ATP6V0E1: variants seen among roughly 807,000 people sequenced by gnomAD.
The protein encoded by ATP6V0E1 is ATPase H+ transporting V0 subunit e1.
Under a neutral mutation model 11.6 loss-of-function variants are expected in ATP6V0E1, and 4 were observed. That is an observed-to-expected ratio of 0.35 (90% CI 0.17 to 0.79). The LOEUF (loss-of-function observed/expected upper bound fraction) is 0.79. ATP6V0E1 is among the 30% of genes least tolerant of loss of function. The probability of loss-of-function intolerance (pLI) is 0.54; values close to 1 mark genes in which losing one functional copy is unlikely to be tolerated. For missense variants in ATP6V0E1, 105 were observed against 100.0 expected, an observed-to-expected ratio of 1.05 and a Z score of -0.21; for synonymous variants, 36 against 34.8, an observed-to-expected ratio of 1.04 and a Z score of -0.13.
intron 2 of ATP6V0E1, among the ~76,000 whole-genome samples, chr5:173,016,238 A>G (rs920698620): frequency 6.6e-6 from 1 of 152,186 alleles, no homozygotes; most frequent in African/African-American, 2.4e-5. Context: ...TCTGATGCTG[A>G]TGCTACCTCC....
chr5:172,993,467 C>T (rs1030368618), intron 1 of ATP6V0E1, among the ~76,000 whole-genome samples: 5 of 152,214 alleles, frequency 3.3e-5, no homozygotes, highest in Admixed American at 3.3e-4. Flanking sequence ...GATTGTGCCA[C>T]TGCACTCCAG....
At chr5:173,001,243 TTTAATA>T (rs1756148054) in intron 2 of ATP6V0E1, among the ~76,000 whole-genome samples, 1 of 152,126 alleles carries the variant, frequency 6.6e-6, no homozygotes, top group Admixed American at 6.6e-5. Context: ...CCCTGTCCTC[TTTAATA>T]AGGAGAAGCA....
At position 172,994,821 on chromosome 5, in the gene ATP6V0E1, T is replaced by C. The variant is rs1454849251; in HGVS notation, c.151T>C (p.Phe51Leu). 5 of 1,599,554 alleles carry C rather than the reference T, an allele frequency of 3.1e-6. No homozygotes were observed. The highest frequency in any genetic ancestry group is 4.3e-6 in the Non-Finnish European group (5 of 1,173,476). Residue 51 changes from phenylalanine (F) to leucine (L), a missense_variant and splice_region_variant, in exon 2 of 4, where the codon TTT (phenylalanine) becomes CTT (leucine). By Grantham distance (22) the Phe-to-Leu change is conservative. Coordinates refer to ENST00000519374, the MANE Select transcript of ATP6V0E1 (RefSeq NM_003945.4). ...LVTCSVCCYL[F>L]WLIAILAQLN... Reference sequence around the variant, plus strand: ...GACCTGTTCAGTTTGCTGCTATCTCTTGTAAGTAATTTTTTCTTAAGTAAT... The same window carrying C: ...GACCTGTTCAGTTTGCTGCTATCTCCTGTAAGTAATTTTTTCTTAAGTAAT...
intron 2 of ATP6V0E1, among the ~76,000 whole-genome samples, chr5:172,997,852 C>T (rs1269575377): frequency 1.3e-5 from 2 of 151,878 alleles, no homozygotes; most frequent in Non-Finnish European, 2.9e-5. Context: ...CATGGTGGCT[C>T]ACGCCTGTAA....
At chr5:173,033,678 AC>A (rs1434469839) in intron 3 of ATP6V0E1, among the ~76,000 whole-genome samples, 1 of 151,540 alleles carries the variant, frequency 6.6e-6, no homozygotes, top group African/African-American at 2.4e-5. Context: ...CCCTGTCTCT[AC>A]AAAAAAATAT....
At chr5:173,005,965 ACTCT>A (rs1165212903) in intron 2 of ATP6V0E1, among the ~76,000 whole-genome samples, 1 of 152,162 alleles carries the variant, frequency 6.6e-6, no homozygotes, top group Non-Finnish European at 1.5e-5. Context: ...CAGAAGATAT[ACTCT>A]CTAAGATTTC....
At chr5:173,026,024 G>T (rs1756554622) in intron 3 of ATP6V0E1, among the ~76,000 whole-genome samples, 1 of 151,564 alleles carries the variant, frequency 6.6e-6, no homozygotes. Context: ...TTCGAGACAG[G>T]GTCTCACTGT....
At chr5:173,022,040 A>G (rs1463104675) in intron 3 of ATP6V0E1, among the ~76,000 whole-genome samples, 3 of 152,230 alleles carry the variant, frequency 2.0e-5, no homozygotes, top group Non-Finnish European at 4.4e-5. Flanking sequence ...GTCTCAGAAA[A>G]AGGAAAATCA....
chr5:173,010,928 G>A (rs1447176969), intron 2 of ATP6V0E1, among the ~76,000 whole-genome samples: 1 of 152,222 alleles, frequency 6.6e-6, no homozygotes, highest in Non-Finnish European at 1.5e-5. Context: ...TTTATGCTGG[G>A]AGAGTTCTAG....
At chr5:172,992,038 C>T (rs1372947774) in intron 1 of ATP6V0E1, among the ~76,000 whole-genome samples, 1 of 145,074 alleles carries the variant, frequency 6.9e-6, no homozygotes, top group African/African-American at 2.7e-5. Context: ...TTCTCTCTCT[C>T]TCTTTTCTTT....
At chr5:173,001,624 G>A (rs1218834290) in intron 2 of ATP6V0E1, among the ~76,000 whole-genome samples, 2 of 152,096 alleles carry the variant, frequency 1.3e-5, no homozygotes, top group African/African-American at 4.8e-5. Flanking sequence ...GGTGGCTCAC[G>A]CCTGTAATCG....
At chr5:173,001,371 T>A (rs907934765) in intron 2 of ATP6V0E1, among the ~76,000 whole-genome samples, 2 of 152,190 alleles carry the variant, frequency 1.3e-5, no homozygotes, top group Non-Finnish European at 2.9e-5. Flanking sequence ...TACTCAGTTA[T>A]GACCTCAGAA....
At chr5:173,011,048 C>T (rs1019938253) in intron 2 of ATP6V0E1, among the ~76,000 whole-genome samples, 1 of 152,150 alleles carries the variant, frequency 6.6e-6, no homozygotes, top group African/African-American at 2.4e-5. Context: ...GCTTATTTCT[C>T]ACAGCTCATG....
intron 1 of ATP6V0E1, among the ~76,000 whole-genome samples, chr5:172,990,805 C>T (rs566313361): frequency 4.8e-5 from 7 of 146,756 alleles, no homozygotes; most frequent in South Asian, 2.1e-4. Flanking sequence ...CCAGCCTGGA[C>T]GACAGAGCGA....
chr5:173,004,557 G>C (rs1581628925), intron 2 of ATP6V0E1, among the ~76,000 whole-genome samples: 1 of 152,156 alleles, frequency 6.6e-6, no homozygotes, highest in Non-Finnish European at 1.5e-5. Flanking sequence ...TGGAAGAAAA[G>C]AAAGGGATGC....
intron 2 of ATP6V0E1, among the ~76,000 whole-genome samples, chr5:173,002,910 G>T (rs1756180233): frequency 6.6e-6 from 1 of 151,870 alleles, no homozygotes; most frequent in South Asian, 2.1e-4. Flanking sequence ...GATAGCCGGG[G>T]ACAGGGGTAT....
chr5:173,007,325 G>A (rs1306187804), intron 2 of ATP6V0E1, among the ~76,000 whole-genome samples: 1 of 152,112 alleles, frequency 6.6e-6, no homozygotes, highest in African/African-American at 2.4e-5. Flanking sequence ...AAGCTCTCGT[G>A]GCTGTCAGAA....
chr5:173,016,660 C>T (rs1195812473), intron 2 of ATP6V0E1, among the ~76,000 whole-genome samples: 3 of 152,120 alleles, frequency 2.0e-5, no homozygotes, highest in East Asian at 3.8e-4. Context: ...TTTCAGGCAG[C>T]TTGTATTGCC....
intron 3 of ATP6V0E1, among the ~76,000 whole-genome samples, chr5:173,022,544 A>G (rs1340234674): frequency 6.6e-6 from 1 of 152,216 alleles, no homozygotes. Context: ...CAGTTGCACA[A>G]TCACGGCTAA....
Sources: allele counts gnomAD v4.1 joint callset (sites outside exome capture counted in the v4.1 genomes callset), GRCh38; gene constraint gnomAD v4.1.1; transcripts MANE v1.5; gene names NCBI Gene and HGNC (gene_info 2026-07-23, HGNC 2026-07-21).